Variants in HERPUD2 observed in about 807,000 individuals in gnomAD.
The protein encoded by HERPUD2 is HERPUD family member 2.
HERPUD2 carries 13 observed loss-of-function variants against 49.9 expected under a neutral mutation model. That is an observed-to-expected ratio of 0.26 (90% CI 0.17 to 0.41). The LOEUF is 0.41. Ranked by LOEUF, HERPUD2 falls within the 10% of genes least tolerant of loss-of-function variation. The pLI is 1.00. For missense variants in HERPUD2, 449 were observed against 492.2 expected, an observed-to-expected ratio of 0.91 and a Z score of 0.83; for synonymous variants, 172 against 171.4, an observed-to-expected ratio of 1.00 and a Z score of -0.03.
At position 35,694,206 on chromosome 7, in the gene HERPUD2, G is replaced by C; in HGVS notation, c.125C>G (p.Ser42Cys). The change falls in exon 2 of 9, where the codon TCT becomes TGT. Residue 42 changes from serine (S) to cysteine (C), a missense_variant. By Grantham distance (112) the Ser-to-Cys change is moderately radical. Transcript: ENST00000311350. ...TACTGGTTTGCTAGGGTAAACGTTA[G>C]ATAGATGCGTTTTTAGTTTCCCCAC... is the stretch of plus-strand genomic sequence containing the variant. ...WTVGKLKTHLSNVYPSKPLTK... is the reference protein window; with the variant it reads ...WTVGKLKTHLCNVYPSKPLTK... 1 of 1,614,132 alleles carries C rather than the reference G, an allele frequency of 6.2e-7. No individual in the cohort carries two copies. The highest frequency in any genetic ancestry group is 8.5e-7 in the Non-Finnish European group (1 of 1,180,014).
At chr7:35,684,794 T>A (rs542066329) in intron 2 of HERPUD2, among the ~76,000 whole-genome samples, 1 of 152,282 alleles carries the variant, frequency 6.6e-6, no homozygotes, top group East Asian at 1.9e-4. Flanking sequence ...CAGGGTGCAG[T>A]GTATACTGCC....
chr7:35,675,201 A>G (rs1456549404), intron 2 of HERPUD2, among the ~76,000 whole-genome samples: 1 of 152,222 alleles, frequency 6.6e-6, no homozygotes, highest in Non-Finnish European at 1.5e-5. Context: ...AATTATCTGC[A>G]GAACTCCTTG....
chr7:35,638,861 G>A (rs1029075900), intron 5 of HERPUD2, among the ~76,000 whole-genome samples: 1 of 151,936 alleles, frequency 6.6e-6, no homozygotes, highest in Non-Finnish European at 1.5e-5. Context: ...GGGGAATGGT[G>A]AAATAGACAA....
intron 5 of HERPUD2, among the ~76,000 whole-genome samples, chr7:35,662,278 G>C (rs1583554176): frequency 6.6e-6 from 1 of 152,304 alleles, no homozygotes; most frequent in East Asian, 1.9e-4. Context: ...CAGCTTGCCA[G>C]TATTTTATTG....
intron 3 of HERPUD2, 36 bp downstream of exon 3, chr7:35,673,165 A>G (rs1785680995): frequency 1.4e-6 from 2 of 1,480,992 alleles, no homozygotes; most frequent in South Asian, 1.2e-5. Context: ...CACATTCTGA[A>G]TGTATCTGGT....
At chr7:35,686,724 A>AAG (rs1786057000) in intron 2 of HERPUD2, among the ~76,000 whole-genome samples, 1 of 93,988 alleles carries the variant, frequency 1.1e-5, no homozygotes, top group Non-Finnish European at 1.9e-5. Flanking sequence ...GTCTCAAAAA[A>AAG]AAAAAAAAAA....
intron 6 of HERPUD2, among the ~76,000 whole-genome samples, chr7:35,637,209 G>T (rs1003854839): frequency 3.4e-5 from 5 of 146,260 alleles, no homozygotes; most frequent in African/African-American, 1.2e-4. Flanking sequence ...ATAGATAAAA[G>T]AAATGTAACC....
intron 2 of HERPUD2, 122 bp from the exon 3 acceptor site, chr7:35,673,400 G>A: frequency 3.0e-6 from 2 of 671,382 alleles, no homozygotes; most frequent in Non-Finnish European, 5.0e-6. Context: ...GCAGAAAACT[G>A]ACACAATTTA....
intron 2 of HERPUD2, 137 bp downstream of exon 2, chr7:35,694,047 A>G (rs777246458): frequency 2.0e-4 from 165 of 823,644 alleles, no homozygotes; most frequent in Middle Eastern, 7.1e-4. Flanking sequence ...ACACAACCTC[A>G]GAACTCAAAA....
At chr7:35,689,006 T>C (rs1319861069) in intron 2 of HERPUD2, among the ~76,000 whole-genome samples, 2 of 152,156 alleles carry the variant, frequency 1.3e-5, no homozygotes, top group African/African-American at 2.4e-5. Context: ...CTGGTACACA[T>C]GGCAAACACT....
intron 2 of HERPUD2, among the ~76,000 whole-genome samples, chr7:35,679,509 G>C (rs1295000994): frequency 6.6e-6 from 1 of 152,164 alleles, no homozygotes; most frequent in Non-Finnish European, 1.5e-5. Flanking sequence ...CTTTTGAAAG[G>C]AGAAAGACAG....
At chr7:35,634,701 T>C (rs1462285048) in intron 7 of HERPUD2, among the ~76,000 whole-genome samples, 1 of 152,160 alleles carries the variant, frequency 6.6e-6, no homozygotes, top group Non-Finnish European at 1.5e-5. Flanking sequence ...TCTGGTACTT[T>C]TCAAAATGAA....
intron 2 of HERPUD2, among the ~76,000 whole-genome samples, chr7:35,682,300 TATATATAGATATATACACATACACAC>T (rs1219176425): frequency 0.016 from 813 of 52,404 alleles, 88 homozygotes; most frequent in African/African-American, 0.035. Context: ...TGTGTGTGTG[TATATATAGATATATACACATACACAC>T]GTGTGTGTGT....
chr7:35,634,290 T>C (rs757355209), intron 8 of HERPUD2, 22 bp downstream of exon 8: 2 of 1,450,690 alleles, frequency 1.4e-6, no homozygotes, highest in East Asian at 2.3e-5. Flanking sequence ...ATCTTAAGTA[T>C]ACAAAAGCTT....
intron 4 of HERPUD2, 52 bp downstream of exon 4, chr7:35,670,163 A>G: frequency 1.1e-6 from 1 of 881,472 alleles, no homozygotes; most frequent in Non-Finnish European, 1.8e-6. Flanking sequence ...AAATAAGACG[A>G]CGACGAAAAA....
In HERPUD2 at chr7:35,692,966, C is replaced by G. The variant is rs746857005; in HGVS notation, c.147+1218G>C. 2.6e-4 allele frequency among the ~76,000 whole-genome samples: 39 copies of G among 152,326 alleles called. 1 individual carries two copies. The highest frequency in any genetic ancestry group is 3.4e-3 in the Middle Eastern group (1 of 294). On this transcript the variant is annotated intron_variant, in intron 2 of 8. Coordinates refer to ENST00000311350, the MANE Select transcript of HERPUD2 (RefSeq NM_022373.5). ...CAAAAGTTATTTCCCACCCTAAAAT[C>G]CGACCCTCTTTATTAAACAAAAGTT...
intron 5 of HERPUD2, among the ~76,000 whole-genome samples, chr7:35,666,857 A>C (rs1284853065): frequency 6.6e-6 from 1 of 152,258 alleles, no homozygotes; most frequent in Admixed American, 6.5e-5. Context: ...ACATGCAGCA[A>C]GATTAGCATA....
intron 5 of HERPUD2, among the ~76,000 whole-genome samples, chr7:35,657,958 T>C (rs1300296032): frequency 2.0e-5 from 3 of 151,342 alleles, no homozygotes; most frequent in Non-Finnish European, 4.4e-5. Context: ...CACATAAAAC[T>C]ACCCTATGAT....
Position 35,670,214 on chromosome 7 carries a change from C to T in HERPUD2, c.339+1G>A. ...TGTTTACTCCTCCCAAAACAACTCACAGAATTGCTGCTGGATGCCAATGCT... is the reference window on the plus strand; with the variant it reads ...TGTTTACTCCTCCCAAAACAACTCATAGAATTGCTGCTGGATGCCAATGCT... On this transcript the variant is annotated splice_donor_variant, in intron 4 of 8. Coordinates refer to ENST00000311350, the MANE Select transcript of HERPUD2 (RefSeq NM_022373.5). LOFTEE classifies it high-confidence loss of function. 6.7e-7 allele frequency: 1 copy of T among 1,493,542 alleles called. No individual in the cohort carries two copies. Among genetic ancestry groups the T allele is most frequent in the Non-Finnish European group, 9.1e-7 (1 of 1,093,958 alleles). The allele number at this position is 1,493,542 out of a possible 1,614,324, so 92.5% of individuals were successfully genotyped here. A position where few individuals can be genotyped will look rare whatever the true frequency, so the allele number is the denominator to read the frequency against.
Sources: allele counts gnomAD v4.1 joint callset (sites outside exome capture counted in the v4.1 genomes callset), GRCh38; gene constraint gnomAD v4.1.1; transcripts MANE v1.5; gene names NCBI Gene and HGNC (gene_info 2026-07-23, HGNC 2026-07-21).